Variants in TNRC6B observed in about 807,000 individuals in gnomAD.
TNRC6B encodes the protein trinucleotide repeat-containing gene 6B protein.
TNRC6B carries 52 observed loss-of-function variants against 203.6 expected under a neutral mutation model. The ratio of observed to expected loss-of-function variants is 0.26; its 90% confidence interval spans 0.20 to 0.32. TNRC6B has a LOEUF of 0.32. Among genes scored for constraint, TNRC6B ranks in the 10% least tolerant of loss-of-function variants. The pLI, the probability that TNRC6B is intolerant of heterozygous loss-of-function variation, is 1.00. For synonymous variants in TNRC6B, 838 were observed against 845.7 expected (o/e 0.99, Z 0.16); for missense variants, 1,923 against 2,286.2 (o/e 0.84, Z 3.24).
At position 40,331,671 on chromosome 22, in the gene TNRC6B, CAAAA is replaced by C. The variant is rs776164567; in HGVS notation, c.*8437_*8440del. Reference sequence around the variant, plus strand: ...TTTTTTTTTTTTTTTTTTTTTTTTTCAAAAAAAAAAGTCCCACATGTGGTCATCG... The same window carrying C: ...TTTTTTTTTTTTTTTTTTTTTTTTTCAAAAAAGTCCCACATGTGGTCATCG... On this transcript the variant is annotated 3_prime_UTR_variant, in exon 23 of 23. Transcript: ENST00000454349. 1.4e-4 allele frequency: 16 copies of C among 111,728 alleles called. No homozygotes were observed. The highest frequency in any genetic ancestry group is 2.2e-4 in the Non-Finnish European group (14 of 64,358). 6.9% of individuals were successfully genotyped at this position (111,728 alleles called of 1,614,324 possible). A position where few individuals can be genotyped will look rare whatever the true frequency, so the allele number is the denominator to read the frequency against.
At chr22:40,211,502 G>A (rs973397688) in intron 1 of TNRC6B, among the ~76,000 whole-genome samples, 11 of 152,212 alleles carry the variant, frequency 7.2e-5, no homozygotes, top group Middle Eastern at 3.4e-3. Context: ...GGTGCTTTAC[G>A]TATATCATTT....
chr22:40,125,185 C>T (rs1171777314), intron 2 of TNRC6B, among the ~76,000 whole-genome samples: 1 of 151,496 alleles, frequency 6.6e-6, no homozygotes, highest in Non-Finnish European at 1.5e-5. Context: ...ACTGTCTTGC[C>T]CTATAAATAG....
rs1192343734 is a variant in TNRC6B at position 40,297,278 on chromosome 22, G to A, written c.3709-3177G>A. 2.6e-5 allele frequency among the ~76,000 whole-genome samples: 4 copies of A among 152,152 alleles called. No individual in the cohort carries two copies. The East Asian group carries it at 5.8e-4, about 22-fold the overall frequency. On this transcript the variant is annotated intron_variant, in intron 12 of 22. Coordinates refer to ENST00000454349, the MANE Select transcript of TNRC6B (RefSeq NM_001162501.2). ...ATTCCTAGGCTGATCGTTTCATATT[G>A]AAAGGAAGCTTTAGCGGCATATGAC...
chr22:40,207,735 C>T (rs1257278907), intron 1 of TNRC6B, among the ~76,000 whole-genome samples: 1 of 151,974 alleles, frequency 6.6e-6, no homozygotes, highest in Non-Finnish European at 1.5e-5. Flanking sequence ...GGAAATACAA[C>T]TTAATTAGTA....
intron 1 of TNRC6B, among the ~76,000 whole-genome samples, chr22:40,049,367 G>A (rs915100879): frequency 1.1e-4 from 16 of 151,944 alleles, no homozygotes; most frequent in African/African-American, 3.1e-4. Flanking sequence ...TTCTAACATC[G>A]TACTGTCCTC....
intron 3 of TNRC6B, chr22:40,156,059 A>G: frequency 6.6e-7 from 1 of 1,509,074 alleles, no homozygotes. Flanking sequence ...GGGTTCTTGG[A>G]GTGAGTCGCA....
At chr22:40,152,529 C>T (rs1035149765) in intron 3 of TNRC6B, among the ~76,000 whole-genome samples, 31 of 152,242 alleles carry the variant, frequency 2.0e-4, no homozygotes, top group African/African-American at 7.5e-4. Flanking sequence ...GGGGTTTCAC[C>T]ATGTTAGCCA....
At chr22:40,135,974 G>A (rs2068595684) in intron 3 of TNRC6B, among the ~76,000 whole-genome samples, 1 of 152,172 alleles carries the variant, frequency 6.6e-6, no homozygotes, top group African/African-American at 2.4e-5. Context: ...TCAGCCTGTG[G>A]ACTGATTTCC....
At chr22:40,111,131 C>T (rs533216328) in intron 1 of TNRC6B, among the ~76,000 whole-genome samples, 1 of 152,320 alleles carries the variant, frequency 6.6e-6, no homozygotes, top group African/African-American at 2.4e-5. Context: ...GAACAGGTTT[C>T]CCTAAGCCTG....
At chr22:40,105,522 A>G (rs369334006) in intron 1 of TNRC6B, among the ~76,000 whole-genome samples, 1 of 152,042 alleles carries the variant, frequency 6.6e-6, no homozygotes, top group East Asian at 1.9e-4. Context: ...TAAACATTAT[A>G]GTTTTGCCTG....
At chr22:40,312,419 C>A in intron 17 of TNRC6B, 86 bp from the exon 18 acceptor site, 1 of 1,320,102 alleles carries the variant, frequency 7.6e-7, no homozygotes, top group Non-Finnish European at 1.0e-6. Flanking sequence ...ATACTTTTCA[C>A]AGACCCATTT....
intron 4 of TNRC6B, among the ~76,000 whole-genome samples, chr22:40,170,685 C>T (rs1296328014): frequency 7.3e-6 from 1 of 137,198 alleles, no homozygotes; most frequent in African/African-American, 2.7e-5. Flanking sequence ...ACAATTCTCA[C>T]TTTGCAAAAA....
chr22:40,146,628 G>T (rs529394922), intron 3 of TNRC6B, among the ~76,000 whole-genome samples: 3 of 142,888 alleles, frequency 2.1e-5, no homozygotes, highest in South Asian at 2.2e-4. Context: ...GTGCAGTGGC[G>T]CAATCTCAGC....
intron 1 of TNRC6B, among the ~76,000 whole-genome samples, chr22:40,082,242 A>G (rs1694143971): frequency 6.6e-6 from 1 of 152,184 alleles, no homozygotes; most frequent in South Asian, 2.1e-4. Context: ...AATGAATAAA[A>G]CCTGTGTTAT....
At chr22:40,168,433 G>A (rs1371353994) in intron 4 of TNRC6B, among the ~76,000 whole-genome samples, 2 of 152,148 alleles carry the variant, frequency 1.3e-5, no homozygotes, top group African/African-American at 4.8e-5. Flanking sequence ...ACACAGATGG[G>A]GGTACTGGAC....
At chr22:40,100,692 C>A (rs1262313400) in intron 1 of TNRC6B, among the ~76,000 whole-genome samples, 1 of 152,188 alleles carries the variant, frequency 6.6e-6, no homozygotes, top group Non-Finnish European at 1.5e-5. Flanking sequence ...AGTCTCTATA[C>A]CATTTTGTTT....
intron 1 of TNRC6B, among the ~76,000 whole-genome samples, chr22:40,222,728 C>CTCTTTTTTTTTTT (rs2069728214): frequency 2.5e-5 from 1 of 40,184 alleles, no homozygotes; most frequent in African/African-American, 1.3e-4. Flanking sequence ...CTCTCTCTCT[C>CTCTTTTTTTTTTT]TTTTTTTTTT....
chr22:40,105,738 G>T (rs972373753), intron 1 of TNRC6B, among the ~76,000 whole-genome samples: 2 of 152,170 alleles, frequency 1.3e-5, no homozygotes, highest in Non-Finnish European at 2.9e-5. Context: ...GGATAGTGCT[G>T]CTGTGTGTGC....
At chr22:40,134,538 A>G (rs2068581903) in intron 3 of TNRC6B, among the ~76,000 whole-genome samples, 1 of 152,214 alleles carries the variant, frequency 6.6e-6, no homozygotes, top group Admixed American at 6.5e-5. Context: ...AGCAAATTTA[A>G]TAAACTATGG....
Sources: gnomAD v4.1 joint callset for allele counts (sites outside exome capture counted in the v4.1 genomes callset) on GRCh38, gnomAD v4.1.1 for gene constraint, MANE v1.5 for transcripts, NCBI Gene and HGNC (gene_info 2026-07-23, HGNC 2026-07-21) for gene names.